Variants in FRYL observed in about 807,000 individuals in gnomAD.
FRYL encodes the protein FRY like transcription coactivator.
In FRYL, 150 loss-of-function variants were observed where a neutral mutation model predicts 351.2. The ratio of observed to expected loss-of-function variants is 0.43; its 90% CI spans 0.37 to 0.49. The LOEUF is 0.49. FRYL is among the 20% of genes least tolerant of loss of function. The probability of loss-of-function intolerance (pLI) is 0.00; values close to 1 mark genes in which losing one functional copy is unlikely to be tolerated. For synonymous variants in FRYL, 1,153 were observed against 1,257.1 expected (o/e 0.92, Z 1.75); for missense variants, 3,036 against 3,619.3 (o/e 0.84, Z 4.13).
At chr4:48,555,083 T>C (rs964187591) in intron 35 of FRYL, among the ~76,000 whole-genome samples, 1 of 152,228 alleles carries the variant, frequency 6.6e-6, no homozygotes, top group Non-Finnish European at 1.5e-5. Flanking sequence ...TAAGCACCCA[T>C]AATAAGTGCT....
rs1244021132 is a variant in FRYL at position 48,549,803 on chromosome 4, G to A, written c.4634-180C>T. Among the ~76,000 whole-genome samples the A allele has an allele frequency of 3.3e-5, 5 of 152,112 alleles. No individual in the cohort carries two copies. Among genetic ancestry groups the A allele is most frequent in the Admixed American group, 2.6e-4 (4 of 15,272 alleles). On this transcript the variant is annotated intron_variant, in intron 38 of 63. Transcript: ENST00000358350. This position sits in a 1 kb window ranked among gnomAD's most constrained non-coding sequence, Gnocchi z 4.2. ...ATATTATCAAATTAAGCAAACCAGG[G>A]AGAGGGAGAGAGAGAAAGAGATTAA...
chr4:48,745,562 T>C (rs538815388), intron 1 of FRYL, among the ~76,000 whole-genome samples: 183 of 152,026 alleles, frequency 1.2e-3, no homozygotes, highest in African/African-American at 4.1e-3. Flanking sequence ...ATGAGAACAC[T>C]TGGACACAGG....
At chr4:48,760,818 A>G (rs529741856) in intron 1 of FRYL, among the ~76,000 whole-genome samples, 1 of 152,248 alleles carries the variant, frequency 6.6e-6, no homozygotes, top group South Asian at 2.1e-4. Flanking sequence ...CTGGGACTAC[A>G]GTCGTGCACA....
intron 3 of FRYL, among the ~76,000 whole-genome samples, chr4:48,683,468 C>G (rs912476112): frequency 1.3e-5 from 2 of 151,284 alleles, no homozygotes; most frequent in East Asian, 3.9e-4. Context: ...TGAATTACTT[C>G]GTTTTTAATT....
At chr4:48,518,306 T>A (rs1280764580) in intron 55 of FRYL, among the ~76,000 whole-genome samples, 1 of 152,120 alleles carries the variant, frequency 6.6e-6, no homozygotes, top group East Asian at 1.9e-4. Context: ...CTGTAAACAT[T>A]TCTCATGTTT....
chr4:48,565,981 C>G (rs1736694793), intron 28 of FRYL, among the ~76,000 whole-genome samples: 1 of 152,130 alleles, frequency 6.6e-6, no homozygotes, highest in South Asian at 2.1e-4. Flanking sequence ...GAGGTGGGGC[C>G]AGGAGTCCAT....
Position 48,605,341 on chromosome 4 carries a change from AAGCCCAT to A in FRYL, c.834+393_834+399del, listed in dbSNP as rs1381830311. Among the ~76,000 whole-genome samples, 4 of 152,230 alleles carry A rather than the reference AAGCCCAT, an allele frequency of 2.6e-5. No individual in the cohort carries two copies. The South Asian group carries it at 8.3e-4, about 31-fold the overall frequency. ...CTGAATACTACAAACCAATTCATAT[AAGCCCAT>A]AGGTCACAAGTAAGTGAATTCAATG... is the stretch of plus-strand genomic sequence containing the variant. On this transcript the variant is annotated intron_variant, in intron 11 of 63. Coordinates refer to ENST00000358350, the MANE Select transcript of FRYL (RefSeq NM_015030.2).
At chr4:48,764,530 C>CAA (rs199626199) in intron 1 of FRYL, among the ~76,000 whole-genome samples, 2 of 100,298 alleles carry the variant, frequency 2.0e-5, no homozygotes, top group East Asian at 5.8e-4. Flanking sequence ...GACTCTGTTT[C>CAA]AAAAAAAAAG....
chr4:48,620,563 C>T (rs2149321458), intron 6 of FRYL, 76 bp downstream of exon 6: 2 of 1,435,298 alleles, frequency 1.4e-6, no homozygotes, highest in South Asian at 1.3e-5. Flanking sequence ...ACAATAACAA[C>T]CTTCAGTTGA....
At chr4:48,592,114 A>ATATATATATT (rs1272210127) in intron 16 of FRYL, among the ~76,000 whole-genome samples, 1 of 136,896 alleles carries the variant, frequency 7.3e-6, no homozygotes, top group African/African-American at 2.9e-5. Context: ...ATATATATAT[A>ATATATATATT]TTTTATCTAA....
intron 57 of FRYL, 55 bp from the exon 58 acceptor site, chr4:48,511,039 A>G: frequency 8.1e-7 from 1 of 1,236,146 alleles, no homozygotes; most frequent in Non-Finnish European, 1.2e-6. Context: ...GCCTTTTTTC[A>G]TCTTTAAGTA....
intron 50 of FRYL, among the ~76,000 whole-genome samples, chr4:48,529,757 C>T (rs1181524616): frequency 2.6e-5 from 4 of 152,036 alleles, no homozygotes; most frequent in Non-Finnish European, 5.9e-5. Flanking sequence ...CCTTGGCTTC[C>T]GAAAGACCAC....
chr4:48,654,939 T>C (rs1227932955), intron 3 of FRYL, among the ~76,000 whole-genome samples: 1 of 152,172 alleles, frequency 6.6e-6, no homozygotes, highest in Non-Finnish European at 1.5e-5. Flanking sequence ...TTTAGAGTTA[T>C]TTTTTTCCAT....
Position 48,568,839 on chromosome 4 carries a change from T to C in FRYL, c.2997-1419A>G, listed in dbSNP as rs113212245. On this transcript the variant is annotated intron_variant, in intron 27 of 63. Coordinates refer to ENST00000358350, the MANE Select transcript of FRYL (RefSeq NM_015030.2). ...AACTGATTTAGTGGACTACAACCTG[T>C]ACCAGAATAAAATCTTCATTAATCT... Among the ~76,000 whole-genome samples the C allele has an allele frequency of 4.1e-3, 630 of 152,320 alleles. 4 individuals are homozygous for C. The highest frequency in any genetic ancestry group is 0.014 in the African/African-American group (584 of 41,576).
At chr4:48,654,059 C>T (rs1266665371) in intron 3 of FRYL, 9 of 473,226 alleles carry the variant, frequency 1.9e-5, no homozygotes, top group Non-Finnish European at 2.8e-5. Context: ...GACACCCTCA[C>T]CTTTCTTTAT....
rs558283360 is a variant in FRYL, at chr4:48,556,246, CT to C, written c.4266+731del. Among the ~76,000 whole-genome samples the C allele has an allele frequency of 2.8e-3, 432 of 152,292 alleles. 2 individuals are homozygous for C. Among genetic ancestry groups the C allele is most frequent in the Non-Finnish European group, 4.0e-3 (272 of 68,024 alleles). On this transcript the variant is annotated intron_variant, in intron 35 of 63. Transcript: ENST00000358350. ...TAGGACTAGTCTTCCGTGGACCACA[CT>C]TTTGGGGGATGCTGCCACGGGATAG...
intron 2 of FRYL, among the ~76,000 whole-genome samples, chr4:48,708,214 G>C (rs1343297249): frequency 6.6e-6 from 1 of 151,694 alleles, no homozygotes; most frequent in Non-Finnish European, 1.5e-5. Context: ...AGGAGGCGGA[G>C]GTTGCAGTAA....
intron 1 of FRYL, among the ~76,000 whole-genome samples, chr4:48,750,691 C>A (rs531927960): frequency 2.6e-5 from 4 of 152,058 alleles, no homozygotes; most frequent in African/African-American, 9.7e-5. Context: ...CGGATAATTG[C>A]AAGATTTTTG....
intron 16 of FRYL, among the ~76,000 whole-genome samples, chr4:48,593,271 C>CAAA (rs35026740): frequency 0.52 from 69,102 of 133,436 alleles, 18,313 homozygotes; most frequent in African/African-American, 0.61. Context: ...AAAAAACAAC[C>CAAA]AAAAAAAAAA....
Sources: gnomAD v4.1 joint callset for allele counts (sites outside exome capture counted in the v4.1 genomes callset) on GRCh38, gnomAD v4.1.1 for gene constraint, Gnocchi (gnomAD v3.1) non-coding constraint, MANE v1.5 for transcripts, NCBI Gene and HGNC (gene_info 2026-07-23, HGNC 2026-07-21) for gene names.